The following PDE9A variants were observed in gnomAD, a reference collection of about 807,000 sequenced individuals.
PDE9A encodes phosphodiesterase 9A.
PDE9A carries 60 observed loss-of-function variants against 87.4 expected under a neutral mutation model. That is an observed-to-expected ratio of 0.69 (90% confidence interval 0.56 to 0.85). The LOEUF (loss-of-function observed/expected upper bound fraction) is 0.85, where lower values mean the gene tolerates loss of function less well. Ranked by LOEUF, PDE9A falls within the 40% of genes least tolerant of loss-of-function variation. The pLI is 0.00. For missense variants in PDE9A, 665 were observed against 779.0 expected (o/e 0.85, Z 1.74); for synonymous variants, 272 against 279.4 (o/e 0.97, Z 0.27).
At chr21:42,657,508 C>G (rs1328695675) in intron 1 of PDE9A, among the ~76,000 whole-genome samples, 1 of 152,202 alleles carries the variant, frequency 6.6e-6, no homozygotes, top group East Asian at 1.9e-4. Context: ...CTGCCCCTAC[C>G]CTGGGGGGCC....
rs1354485260 is a variant in PDE9A at position 42,705,812 on chromosome 21, G to T, written c.262+6801G>T. ...CTTGTTCTCCCCCACATTCCTGCCTGCCCTAGGACCCAGGACCTGTCTCTA... is the reference window on the plus strand; with the variant it reads ...CTTGTTCTCCCCCACATTCCTGCCTTCCCTAGGACCCAGGACCTGTCTCTA... On this transcript the variant is annotated intron_variant, in intron 4 of 19. Coordinates refer to ENST00000291539, the MANE Select transcript of PDE9A (RefSeq NM_002606.3). The surrounding 1 kb of genome is among the most constrained non-coding windows in gnomAD (Gnocchi z 4.3). Among the ~76,000 whole-genome samples the T allele has an allele frequency of 6.6e-6, 1 of 152,066 alleles. No individual in the cohort carries two copies. Among genetic ancestry groups the T allele is most frequent in the African/African-American group, 2.4e-5 (1 of 41,398 alleles).
At chr21:42,666,650 G>A (rs2058016481) in intron 1 of PDE9A, among the ~76,000 whole-genome samples, 1 of 152,178 alleles carries the variant, frequency 6.6e-6, no homozygotes, top group African/African-American at 2.4e-5. Context: ...CCTCCTCCCC[G>A]TGTCCATGCA....
rs142489729 is a variant in PDE9A, at chr21:42,695,462, G to A, written c.219-3506G>A. 0.022 allele frequency among the ~76,000 whole-genome samples: 3,395 copies of A among 152,298 alleles called. 68 individuals carry two copies. The highest frequency in any genetic ancestry group is 0.037 in the Middle Eastern group (11 of 294). On this transcript the variant is annotated intron_variant, in intron 3 of 19. Transcript: ENST00000291539. This position sits in a 1 kb window ranked among gnomAD's most constrained non-coding sequence, Gnocchi z 4.3. The stretch of plus-strand genomic sequence containing the variant: ...ACACCTCAGTAGCGTGAGTGAAAGT[G>A]GGGTGTGTGGTGAGACACATACAGA...
chr21:42,654,635 C>T (rs1255085363), intron 1 of PDE9A, among the ~76,000 whole-genome samples: 2 of 152,176 alleles, frequency 1.3e-5, no homozygotes, highest in African/African-American at 4.8e-5. Context: ...TTTCAGGAAG[C>T]CCTTGCAGCT....
rs79190174 is a variant in PDE9A, at chr21:42,701,641, T to C, written c.262+2630T>C. Among the ~76,000 whole-genome samples the C allele has an allele frequency of 2.8e-3, 423 of 152,216 alleles. 2 individuals carry two copies. Among genetic ancestry groups the C allele is most frequent in the African/African-American group, 9.5e-3 (394 of 41,540 alleles). On this transcript the variant is annotated intron_variant, in intron 4 of 19. Coordinates refer to ENST00000291539, the MANE Select transcript of PDE9A (RefSeq NM_002606.3). The stretch of plus-strand genomic sequence containing the variant: ...TTATAGGGACAAGGTCTTACAGTAT[T>C]GCCCAGGCTGGTCTCAAACTCCTAA...
At position 42,759,660 on chromosome 21, in the gene PDE9A, AG is replaced by A. The variant is rs1436201728; in HGVS notation, c.897+576del. Among the ~76,000 whole-genome samples, 1 of 147,560 alleles carries A rather than the reference AG, an allele frequency of 6.8e-6. No individual in the cohort carries two copies. Among genetic ancestry groups the A allele is most frequent in the African/African-American group, 2.5e-5 (1 of 39,518 alleles). Reference sequence around the variant, plus strand: ...GTGTGGAGGTGTGTCTGTGTGTGTCAGTGTGGATGTGTGCATGTGTATATCT... The same window carrying A: ...GTGTGGAGGTGTGTCTGTGTGTGTCATGTGGATGTGTGCATGTGTATATCT... On this transcript the variant is annotated intron_variant, in intron 11 of 19. Transcript: ENST00000291539. The surrounding 1 kb of genome is among the most constrained non-coding windows in gnomAD (Gnocchi z 7.2).
intron 1 of PDE9A, among the ~76,000 whole-genome samples, chr21:42,663,881 G>A (rs2057775740): frequency 6.6e-6 from 1 of 152,168 alleles, no homozygotes; most frequent in East Asian, 1.9e-4. Context: ...CAGGACTCTG[G>A]AATCTCCCAG....
At chr21:42,698,329 C>T (rs969472030) in intron 3 of PDE9A, among the ~76,000 whole-genome samples, 1 of 152,178 alleles carries the variant, frequency 6.6e-6, no homozygotes, top group Non-Finnish European at 1.5e-5. Context: ...TGGATTTTTT[C>T]TTACTCCTCT....
At chr21:42,655,671 AG>A (rs1186084610) in intron 1 of PDE9A, among the ~76,000 whole-genome samples, 1 of 152,214 alleles carries the variant, frequency 6.6e-6, no homozygotes, top group South Asian at 2.1e-4. Context: ...TCTGCTTTAT[AG>A]ACTGGAATGA....
chr21:42,718,910 T>G (rs1168762165), intron 4 of PDE9A, among the ~76,000 whole-genome samples: 1 of 151,762 alleles, frequency 6.6e-6, no homozygotes, highest in Non-Finnish European at 1.5e-5. Context: ...AGAGTGTTAA[T>G]TTTGCTCCAG....
intron 4 of PDE9A, among the ~76,000 whole-genome samples, chr21:42,727,573 A>G (rs59542208): frequency 0.11 from 16,737 of 146,236 alleles, 1,168 homozygotes; most frequent in East Asian, 0.34. Flanking sequence ...GGCTCAAGCA[A>G]CCCTCCAACC....
At position 42,697,401 on chromosome 21, in the gene PDE9A, G is replaced by A; in HGVS notation, c.219-1567G>A. 1.9e-6 allele frequency: 3 copies of A among 1,585,376 alleles called. No individual in the cohort carries two copies. The South Asian group carries it at 3.3e-5, about 18-fold the overall frequency. On this transcript the variant is annotated intron_variant, in intron 3 of 19. Transcript: ENST00000291539. ...GTGTATACCCCTCCATATTCACTGT[G>A]TTTCTTCTTCCAGGAATGAGCTCAT...
At position 42,760,656 on chromosome 21, in the gene PDE9A, C is replaced by T. The variant is rs539877405; in HGVS notation, c.1003-169C>T. Among the ~76,000 whole-genome samples, 5 of 152,156 alleles carry T rather than the reference C, an allele frequency of 3.3e-5. No homozygotes were observed. Among genetic ancestry groups the T allele is most frequent in the African/African-American group, 1.2e-4 (5 of 41,522 alleles). Reference sequence around the variant, plus strand: ...CAGGTGAGTCCCCGACCTGGTCACCCCCCCAACCCCCACAGGCAGGCCGAT... The same window carrying T: ...CAGGTGAGTCCCCGACCTGGTCACCTCCCCAACCCCCACAGGCAGGCCGAT... On this transcript the variant is annotated intron_variant, in intron 12 of 19. Transcript: ENST00000291539. The surrounding 1 kb of genome is among the most constrained non-coding windows in gnomAD (Gnocchi z 5.2).
chr21:42,753,981 C>G lies in PDE9A; in HGVS notation c.736-9C>G, dbSNP rs781161295. Reference sequence around the variant, plus strand: ...CGCCTGGTTAACACGGAACTCCTGTCCTTTCTAGTACCTGCTCTCTCCAGA... The same window carrying G: ...CGCCTGGTTAACACGGAACTCCTGTGCTTTCTAGTACCTGCTCTCTCCAGA... On this transcript the variant is annotated splice_polypyrimidine_tract_variant and intron_variant, in intron 9 of 19. Coordinates refer to ENST00000291539, the MANE Select transcript of PDE9A (RefSeq NM_002606.3). 4 of 1,599,522 alleles carry G rather than the reference C, an allele frequency of 2.5e-6. No homozygotes were observed. Among genetic ancestry groups the G allele is most frequent in the Non-Finnish European group, 3.4e-6 (4 of 1,167,558 alleles).
intron 4 of PDE9A, among the ~76,000 whole-genome samples, chr21:42,711,483 C>T (rs916770673): frequency 1.3e-5 from 2 of 152,000 alleles, no homozygotes; most frequent in African/African-American, 4.8e-5. Context: ...GAACTCCTGA[C>T]CTCATGATCC....
At chr21:42,757,342 G>A (rs1430441081) in intron 10 of PDE9A, 2 of 152,254 alleles carry the variant, frequency 1.3e-5, no homozygotes, top group Non-Finnish European at 2.9e-5. Context: ...TTTCTGCCAT[G>A]CCAGAGAACC....
At chr21:42,726,592 C>CTATGTATATA (rs2051062252) in intron 4 of PDE9A, among the ~76,000 whole-genome samples, 1 of 74,240 alleles carries the variant, frequency 1.3e-5, no homozygotes, top group African/African-American at 7.2e-5. Context: ...CCACGCCTGG[C>CTATGTATATA]CATATATATA....
At position 42,738,737 on chromosome 21, in the gene PDE9A, G is replaced by C. The variant is rs568376924; in HGVS notation, c.569-5039G>C. The stretch of plus-strand genomic sequence containing the variant: ...CAGAGTCTCACTTTAATGCAGTGGA[G>C]TGCAGTGGTGTGATCTTGGCCCACT... On this transcript the variant is annotated intron_variant, in intron 7 of 19. Coordinates refer to ENST00000291539, the MANE Select transcript of PDE9A (RefSeq NM_002606.3). Among the ~76,000 whole-genome samples the C allele has an allele frequency of 1.4e-4, 22 of 152,316 alleles. 1 individual carries two copies. The East Asian group carries it at 4.1e-3, about 28-fold the overall frequency.
At chr21:42,766,833 A>G (rs2056448914) in intron 15 of PDE9A, among the ~76,000 whole-genome samples, 1 of 152,196 alleles carries the variant, frequency 6.6e-6, no homozygotes, top group South Asian at 2.1e-4. Flanking sequence ...GGGGTGACCC[A>G]GGCCCCGCCG....
Sources: allele counts gnomAD v4.1 joint callset (sites outside exome capture counted in the v4.1 genomes callset), GRCh38; gene constraint gnomAD v4.1.1; non-coding constraint Gnocchi (gnomAD v3.1); transcripts MANE v1.5; gene names NCBI Gene and HGNC (gene_info 2026-07-23, HGNC 2026-07-21).